PPARGC1A: variants seen among roughly 807,000 people sequenced by gnomAD.
PPARGC1A encodes the protein peroxisome proliferator-activated receptor gamma coactivator 1-alpha.
Under a neutral mutation model 88.7 loss-of-function variants are expected in PPARGC1A, and 25 were observed. That is an observed-to-expected ratio of 0.28 (90% CI 0.21 to 0.39). The LOEUF is 0.39. Ranked by LOEUF, PPARGC1A falls within the 10% of genes least tolerant of loss-of-function variation. The pLI, the probability that PPARGC1A is intolerant of heterozygous loss-of-function variation, is 1.00. For missense variants in PPARGC1A, 880 were observed against 968.7 expected (o/e 0.91, Z 1.22); for synonymous variants, 363 against 355.6 (o/e 1.02, Z -0.24).
chr4:23,916,839 A>G, the PPARGC1A span, among the ~76,000 whole-genome samples: 1 of 152,220 alleles, frequency 6.6e-6, no homozygotes, highest in Non-Finnish European at 1.5e-5. Flanking sequence ...GTCTTCTCTC[A>G]CTATTTCTTT....
intron 2 of PPARGC1A, among the ~76,000 whole-genome samples, chr4:23,862,176 T>G (rs1731329390): frequency 6.6e-6 from 1 of 152,208 alleles, no homozygotes; most frequent in South Asian, 2.1e-4. Flanking sequence ...TTGACCAGTC[T>G]GTGGCTGAAC....
chr4:24,107,436 T>C, the PPARGC1A span, among the ~76,000 whole-genome samples: 28 of 152,242 alleles, frequency 1.8e-4, no homozygotes, highest in Non-Finnish European at 7.3e-5. Context: ...TCTTAATGAA[T>C]GGCAGTGGGT....
the PPARGC1A span, among the ~76,000 whole-genome samples, chr4:24,148,169 T>C: frequency 2.0e-5 from 3 of 152,150 alleles, no homozygotes; most frequent in African/African-American, 7.2e-5. Context: ...CAAAAACACA[T>C]TACTTTAACT....
At chr4:23,881,552 C>T (rs1019012169) in intron 2 of PPARGC1A, among the ~76,000 whole-genome samples, 1 of 152,164 alleles carries the variant, frequency 6.6e-6, no homozygotes, top group Non-Finnish European at 1.5e-5. Flanking sequence ...AATTTACTCT[C>T]AACATTTTAA....
chr4:24,203,808 T>C, the PPARGC1A span, among the ~76,000 whole-genome samples: 1 of 152,224 alleles, frequency 6.6e-6, no homozygotes, highest in African/African-American at 2.4e-5. Context: ...CAAAAGAACT[T>C]ACTTAGCGTG....
the PPARGC1A span, among the ~76,000 whole-genome samples, chr4:24,276,555 G>A: frequency 6.6e-6 from 1 of 152,080 alleles, no homozygotes; most frequent in South Asian, 2.1e-4. Context: ...GGAACCAATG[G>A]CCTCTGTGAT....
chr4:23,831,667 G>T lies in PPARGC1A; in HGVS notation c.319C>A (p.Pro107Thr). The T allele has an allele frequency of 3.1e-6, 5 of 1,613,770 alleles. No homozygotes were observed. The highest frequency in any genetic ancestry group is 4.2e-6 in the Non-Finnish European group (5 of 1,179,750). ...CCATCTGTCAGCGCATCAAATGAGG[G>T]CAATCCGTCTTCATCCACAGGGAGA... ...DSLPVDEDGL[P>T]SFDALTDGDV... The change falls in exon 3 of 13, where the codon CCC becomes ACC. Residue 107 changes from proline (P) to threonine (T), a missense_variant. Pro to Thr is a conservative substitution (Grantham distance 38). Coordinates refer to ENST00000264867, the MANE Select transcript of PPARGC1A (RefSeq NM_013261.5).
chr4:24,321,090 A>C, the PPARGC1A span, among the ~76,000 whole-genome samples: 2 of 152,150 alleles, frequency 1.3e-5, no homozygotes, highest in Non-Finnish European at 1.5e-5. Flanking sequence ...GCGCCTAAGA[A>C]GAGGAAATTT....
chr4:24,180,410 T>TA, the PPARGC1A span, among the ~76,000 whole-genome samples: 9 of 152,312 alleles, frequency 5.9e-5, no homozygotes, highest in South Asian at 1.9e-3. Context: ...AAAATGTATA[T>TA]ATTCATCTGT....
chr4:23,959,017 C>A, the PPARGC1A span, among the ~76,000 whole-genome samples: 27 of 138,820 alleles, frequency 1.9e-4, no homozygotes, highest in African/African-American at 5.7e-4. Flanking sequence ...TTTACCAAAC[C>A]AAAAAAAAAA....
At chr4:24,365,085 A>G in the PPARGC1A span, among the ~76,000 whole-genome samples, 1 of 152,096 alleles carries the variant, frequency 6.6e-6, no homozygotes, top group Non-Finnish European at 1.5e-5. Flanking sequence ...TGTTTGAGTC[A>G]GAAACCCTGG....
At chr4:23,879,725 C>T (rs7674429) in intron 2 of PPARGC1A, among the ~76,000 whole-genome samples, 38,603 of 152,076 alleles carry the variant, frequency 0.25, 6,221 homozygotes, top group African/African-American at 0.44. Context: ...TACTTGCCTA[C>T]ACCTCTTACG....
At chr4:24,100,247 A>G in the PPARGC1A span, among the ~76,000 whole-genome samples, 1 of 152,162 alleles carries the variant, frequency 6.6e-6, no homozygotes, top group Admixed American at 6.6e-5. Flanking sequence ...TTGAAGGTCT[A>G]TTGGCATATG....
chr4:24,051,039 A>T, the PPARGC1A span, among the ~76,000 whole-genome samples: 2 of 151,944 alleles, frequency 1.3e-5, no homozygotes, highest in Admixed American at 6.6e-5. Flanking sequence ...TACAAAAAAA[A>T]TAGCCAGGCA....
chr4:24,403,637 T>C, the PPARGC1A span, among the ~76,000 whole-genome samples: 1 of 152,236 alleles, frequency 6.6e-6, no homozygotes, highest in African/African-American at 2.4e-5. Flanking sequence ...AAATACCCGC[T>C]GGATACAATC....
At chr4:24,436,002 G>A in the PPARGC1A span, among the ~76,000 whole-genome samples, 1 of 152,144 alleles carries the variant, frequency 6.6e-6, no homozygotes, top group Non-Finnish European at 1.5e-5. Flanking sequence ...TAGTAGCATG[G>A]GCTGCTAGGT....
At chr4:24,116,857 C>T in the PPARGC1A span, among the ~76,000 whole-genome samples, 1 of 152,174 alleles carries the variant, frequency 6.6e-6, no homozygotes, top group South Asian at 2.1e-4. Flanking sequence ...CATTGCTCGT[C>T]GTACATTAAA....
the PPARGC1A span, among the ~76,000 whole-genome samples, chr4:23,993,569 AGC>A: frequency 1.3e-5 from 2 of 152,156 alleles, no homozygotes; most frequent in Admixed American, 6.6e-5. Flanking sequence ...TCACTTCATG[AGC>A]CAGGGCCCAT....
chr4:24,332,205 T>TG, the PPARGC1A span, among the ~76,000 whole-genome samples: 2 of 152,086 alleles, frequency 1.3e-5, no homozygotes, highest in East Asian at 3.9e-4. Flanking sequence ...CTCAAACTCC[T>TG]GGGCTCAAGC....
Sources: allele counts gnomAD v4.1 joint callset (sites outside exome capture counted in the v4.1 genomes callset), GRCh38; gene constraint gnomAD v4.1.1; transcripts MANE v1.5; gene names NCBI Gene and HGNC (gene_info 2026-07-23, HGNC 2026-07-21).